FER: variants seen among roughly 807,000 people sequenced by gnomAD.
FER encodes the protein FER tyrosine kinase, also known as tyrosine-protein kinase Fer.
FER carries 63 observed loss-of-function variants against 111.0 expected under a neutral mutation model. That is an observed-to-expected ratio of 0.57 (90% CI 0.46 to 0.70). FER has a LOEUF of 0.70. FER is among the 30% of genes least tolerant of loss of function. The pLI is 0.00. For missense variants in FER, 914 were observed against 954.0 expected (o/e 0.96, Z 0.55); for synonymous variants, 327 against 313.9 (o/e 1.04, Z -0.44).
At chr5:108,929,054 C>T (rs1754190055) in intron 10 of FER, among the ~76,000 whole-genome samples, 1 of 151,978 alleles carries the variant, frequency 6.6e-6, no homozygotes, top group African/African-American at 2.4e-5. Flanking sequence ...AATTTACCCC[C>T]AGATATAGAC....
At chr5:108,787,780 C>T (rs994029094) in intron 2 of FER, among the ~76,000 whole-genome samples, 1 of 152,198 alleles carries the variant, frequency 6.6e-6, no homozygotes, top group African/African-American at 2.4e-5. Context: ...CTACAGGTCT[C>T]CTCCCTTCTG....
intron 13 of FER, among the ~76,000 whole-genome samples, chr5:109,009,180 T>G (rs1373490793): frequency 2.0e-5 from 3 of 150,674 alleles, no homozygotes; most frequent in Non-Finnish European, 4.4e-5. Context: ...CCCAAGTAGG[T>G]GCACACCACC....
intron 10 of FER, among the ~76,000 whole-genome samples, chr5:108,909,164 A>T (rs55656635): frequency 0.27 from 40,340 of 152,100 alleles, 5,888 homozygotes; most frequent in African/African-American, 0.37. Flanking sequence ...AATTTTGATA[A>T]TTATTTTATG....
chr5:109,037,355 C>A, intron 13 of FER, 67 bp from the exon 14 acceptor site: 1 of 1,377,370 alleles, frequency 7.3e-7, no homozygotes, highest in Non-Finnish European at 1.0e-6. Context: ...TTTCCACTGG[C>A]TCAAATGCAA....
intron 17 of FER, among the ~76,000 whole-genome samples, chr5:109,148,982 C>T (rs115427297): frequency 1.4e-4 from 21 of 152,230 alleles, no homozygotes; most frequent in Admixed American, 4.6e-4. Context: ...GACCAAACTA[C>T]ATCTGTCTTA....
intron 17 of FER, among the ~76,000 whole-genome samples, chr5:109,101,854 G>A (rs72796568): frequency 0.4 from 60,572 of 151,890 alleles, 12,793 homozygotes; most frequent in African/African-American, 0.54. Context: ...TTTGGTTGCC[G>A]AGGTATTGAG....
intron 11 of FER, among the ~76,000 whole-genome samples, chr5:108,950,285 A>G (rs1465153402): frequency 6.6e-6 from 1 of 152,178 alleles, no homozygotes; most frequent in African/African-American, 2.4e-5. Flanking sequence ...CTTTATAGTT[A>G]CTATCCTAGA....
chr5:109,103,373 A>G (rs1748490551), intron 17 of FER, among the ~76,000 whole-genome samples: 1 of 152,166 alleles, frequency 6.6e-6, no homozygotes, highest in Admixed American at 6.5e-5. Context: ...TTAAGGACAC[A>G]TATTCTTTCT....
intron 3 of FER, among the ~76,000 whole-genome samples, chr5:108,803,222 A>G (rs1190914148): frequency 2.0e-5 from 3 of 151,790 alleles, no homozygotes; most frequent in African/African-American, 4.8e-5. Flanking sequence ...AGTTCTGTGT[A>G]GAACATTAGT....
intron 17 of FER, among the ~76,000 whole-genome samples, chr5:109,152,919 C>T (rs774855847): frequency 6.6e-6 from 1 of 151,816 alleles, no homozygotes; most frequent in African/African-American, 2.4e-5. Context: ...TAAAAATATT[C>T]ATGTTGTCTT....
chr5:108,917,272 G>A (rs1752392401), intron 10 of FER, among the ~76,000 whole-genome samples: 2 of 152,058 alleles, frequency 1.3e-5, no homozygotes, highest in African/African-American at 4.8e-5. Flanking sequence ...TTAAAATTGT[G>A]CTGAGGAATT....
chr5:108,817,155 A>T (rs958417870), intron 3 of FER, among the ~76,000 whole-genome samples: 1 of 128,926 alleles, frequency 7.8e-6, no homozygotes, highest in South Asian at 2.8e-4. Flanking sequence ...GTTGCTTCTT[A>T]TTGCAGCCAG....
intron 16 of FER, chr5:109,051,522 GTAATTAGCCCAGTT>G (rs1290379561): frequency 1.3e-6 from 2 of 1,597,486 alleles, no homozygotes; most frequent in African/African-American, 3.0e-5. Context: ...GTTCTGCACT[GTAATTAGCCCAGTT>G]TTGCTCACTT....
intron 16 of FER, among the ~76,000 whole-genome samples, chr5:109,092,797 T>G (rs1453459905): frequency 6.6e-6 from 1 of 152,188 alleles, no homozygotes. Context: ...TTTGAAAAGA[T>G]ACGGTTACAC....
intron 13 of FER, among the ~76,000 whole-genome samples, chr5:109,026,804 G>T (rs376033362): frequency 1.4e-4 from 21 of 152,092 alleles, no homozygotes; most frequent in Non-Finnish European, 1.5e-4. Flanking sequence ...TCAGCCTCCC[G>T]AGTAGCTGGG....
chr5:108,913,364 A>G (rs1751820468), intron 10 of FER, among the ~76,000 whole-genome samples: 1 of 152,244 alleles, frequency 6.6e-6, no homozygotes, highest in African/African-American at 2.4e-5. Flanking sequence ...AAAACAAAAC[A>G]CTAAGCTAAT....
chr5:109,092,248 A>AG (rs1363140756), intron 16 of FER, among the ~76,000 whole-genome samples: 1 of 143,168 alleles, frequency 7.0e-6, no homozygotes, highest in African/African-American at 2.6e-5. Flanking sequence ...AAAAATAGAC[A>AG]GGGAGAGTAC....
chr5:109,105,230 TTGTGTGTGTGTGTGTGTGTGTGTGTG>T (rs72106747), intron 17 of FER, among the ~76,000 whole-genome samples: 5 of 138,640 alleles, frequency 3.6e-5, no homozygotes, highest in African/African-American at 5.4e-5. Flanking sequence ...CAGCTTATAT[TTGTGTGTGTGTGTGTGTGTGTGTGTG>T]TGTGTGTGTG....
intron 13 of FER, among the ~76,000 whole-genome samples, chr5:109,023,212 G>A (rs896104882): frequency 6.6e-6 from 1 of 152,120 alleles, no homozygotes; most frequent in African/African-American, 2.4e-5. Flanking sequence ...CTGATGCATT[G>A]TATGTGGAGA....
Sources: gnomAD v4.1 joint callset for allele counts (sites outside exome capture counted in the v4.1 genomes callset) on GRCh38, gnomAD v4.1.1 for gene constraint, MANE v1.5 for transcripts, NCBI Gene and HGNC (gene_info 2026-07-23, HGNC 2026-07-21) for gene names.